Variants in ITGB1BP2 observed in about 807,000 individuals in gnomAD.
ITGB1BP2 encodes the protein integrin subunit beta 1 binding protein 2.
Under a neutral mutation model 32.2 loss-of-function variants are expected in ITGB1BP2, and 27 were observed. The ratio of observed to expected loss-of-function variants is 0.84; its 90% CI spans 0.62 to 1.16. The LOEUF is 1.16. ITGB1BP2 is among the 50% of genes most tolerant of loss of function. ITGB1BP2 has a pLI of 0.00. For missense variants in ITGB1BP2, 250 were observed against 267.3 expected (o/e 0.94, Z 0.45); for synonymous variants, 105 against 94.7 (o/e 1.11, Z -0.63).
At chrX:71,303,117 A>T in intron 4 of ITGB1BP2, 145 bp from the exon 5 acceptor site, 1 of 486,866 alleles carries the variant, frequency 2.1e-6, no homozygotes, top group Non-Finnish European at 3.5e-6. Flanking sequence ...CAGAGATGAA[A>T]ATTGGCAATG....
In ITGB1BP2 at chrX:71,305,001, C is replaced by T. The variant is rs1413565408; in HGVS notation, c.853C>T (p.Pro285Ser). The change falls in exon 11 of 11, where the codon CCA (proline) becomes TCA (serine). Residue 285 changes from proline (P) to serine (S), a missense_variant. Transcript: ENST00000373829. The stretch of plus-strand genomic sequence containing the variant: ...GGAGCAGAGCTCTGTCTTCTTGATG[C>T]CATCTCGGGTTGAAATCTCCCTGGT... ...NVEQSSVFLM[P>S]SRVEISLVKA... 1.7e-6 allele frequency: 2 copies of T among 1,210,956 alleles called. No homozygotes were observed. Among genetic ancestry groups the T allele is most frequent in the South Asian group, 3.5e-5 (2 of 56,948 alleles).
intron 8 of ITGB1BP2, 39 bp downstream of exon 8, chrX:71,303,950 A>ATC: frequency 9.3e-7 from 1 of 1,071,928 alleles, no homozygotes; most frequent in Non-Finnish European, 1.3e-6. Flanking sequence ...TTAGAACCCA[A>ATC]TCTCAGAGGT....
rs2031624733 is a variant in ITGB1BP2, at chrX:71,302,181, C to T, written c.109C>T (p.Leu37Phe). 8.3e-7 allele frequency: 1 copy of T among 1,208,428 alleles called. No individual in the cohort carries two copies. Residue 37 changes from leucine to phenylalanine, a missense_variant, in exon 2 of 11, where the codon CTT becomes TTT. Coordinates refer to ENST00000373829, the MANE Select transcript of ITGB1BP2 (RefSeq NM_012278.4). ...HPGVPIFHDA[L>F]KGWSCCRKRT... ...TGGGGTCCCAATCTTCCATGATGCA[C>T]TTAAGGTGAGGAGTAGGTGAGGGGG... is the stretch of plus-strand genomic sequence containing the variant.
intron 9 of ITGB1BP2, 80 bp from the exon 10 acceptor site, chrX:71,304,462 C>G (rs1305659683): frequency 2.0e-6 from 2 of 1,020,152 alleles, no homozygotes; most frequent in East Asian, 6.3e-5. Context: ...GTGGATCATA[C>G]CTCTGACCTG....
rs2031628034 is a variant in ITGB1BP2 at position 71,302,315 on chromosome X, T to C, written c.153T>C (p.Ser51=). The C allele has an allele frequency of 1.7e-6, 2 of 1,211,605 alleles. No homozygotes were observed. The highest frequency in any genetic ancestry group is 2.2e-6 in the Non-Finnish European group (2 of 895,457). ...GCCGAAAGCGAACTGTAGATTTCTC[T>C]GAGTTCTTAAACATCAAGGTAAATT... ...SCCRKRTVDF[S]EFLNIKGCTM... Residue 51 remains serine (S), a synonymous_variant, in exon 3 of 11, where the codon TCT becomes TCC. Transcript: ENST00000373829.
rs753652165 is a variant in ITGB1BP2, at chrX:71,304,522, C to T, written c.754-20C>T. 8.3e-6 allele frequency: 10 copies of T among 1,200,066 alleles called. No homozygotes were observed. In the South Asian group the frequency reaches 1.8e-4, roughly 21 times the overall value. On this transcript the variant is annotated intron_variant, in intron 9 of 10. Coordinates refer to ENST00000373829, the MANE Select transcript of ITGB1BP2 (RefSeq NM_012278.4). ...TGACCTTCTGGGTTTGTTACTACCC[C>T]TGTAATTCTTTTCTCTCAGCTTCAT...
At chrX:71,304,049 C>G in intron 8 of ITGB1BP2, 138 bp downstream of exon 8, 1 of 704,699 alleles carries the variant, frequency 1.4e-6, no homozygotes, top group Non-Finnish European at 2.1e-6. Flanking sequence ...CCTTATCCCT[C>G]AACAGCCCAG....
intron 8 of ITGB1BP2, 66 bp from the exon 9 acceptor site, chrX:71,304,121 A>G (rs2031659218): frequency 1.1e-6 from 1 of 874,718 alleles, no homozygotes; most frequent in Non-Finnish European, 1.7e-6. Context: ...CTCCACGTGC[A>G]TCATGAGAAC....
At chrX:71,302,693 C>A (rs2031635396) in intron 4 of ITGB1BP2, 137 bp downstream of exon 4, 2 of 697,425 alleles carry the variant, frequency 2.9e-6, no homozygotes, top group Admixed American at 4.1e-5. Context: ...TGGTGTATAT[C>A]CTGTGCCTTA....
chrX:71,304,692 G>A, intron 10 of ITGB1BP2, 88 bp downstream of exon 10: 1 of 755,446 alleles, frequency 1.3e-6, no homozygotes, highest in South Asian at 2.4e-5. Flanking sequence ...GAGGGAAGGA[G>A]TTGTACTAGG....
At chrX:71,303,392 T>C in intron 5 of ITGB1BP2, 36 bp downstream of exon 5, 2 of 1,206,208 alleles carry the variant, frequency 1.7e-6, no homozygotes, top group Non-Finnish European at 2.2e-6. Flanking sequence ...CTTCATAGAC[T>C]GGAATTTAGT....
In ITGB1BP2 at chrX:71,303,257, C is replaced by T. The variant is rs763359613; in HGVS notation, c.318-5C>T. On this transcript the variant is annotated splice_polypyrimidine_tract_variant and splice_region_variant and intron_variant, in intron 4 of 10. Coordinates refer to ENST00000373829, the MANE Select transcript of ITGB1BP2 (RefSeq NM_012278.4). ...CAGAACTAAATCACCACCCTTAACC[C>T]CTAGGTCAGAGTTGCCTCTGAAGCT... The T allele has an allele frequency of 8.3e-7, 1 of 1,207,341 alleles. No homozygotes were observed. The highest frequency in any genetic ancestry group is 2.2e-5 in the Admixed American group (1 of 45,840).
At chrX:71,303,403 G>A (rs1289960117) in intron 5 of ITGB1BP2, 47 bp downstream of exon 5, 2 of 1,206,053 alleles carry the variant, frequency 1.7e-6, no homozygotes, top group Non-Finnish European at 2.2e-6. Context: ...GGAATTTAGT[G>A]GAAGTGGCAA....
Position 71,304,177 on chromosome X carries a change from T to C in ITGB1BP2, c.640-10T>C. ...ATTCTTACCACCTGCATTTCACATCTTCTCTTTAGCTCCCAGCATCTTGCC... is the reference window on the plus strand; with the variant it reads ...ATTCTTACCACCTGCATTTCACATCCTCTCTTTAGCTCCCAGCATCTTGCC... On this transcript the variant is annotated splice_polypyrimidine_tract_variant and intron_variant, in intron 8 of 10. Transcript: ENST00000373829. The C allele has an allele frequency of 2.5e-6, 3 of 1,182,925 alleles. No homozygotes were observed. The highest frequency in any genetic ancestry group is 3.4e-6 in the Non-Finnish European group (3 of 870,006).
rs2031618207 is a variant in ITGB1BP2 at position 71,301,961 on chromosome X, GAA to G, written c.64+93_64+94del. On this transcript the variant is annotated intron_variant, in intron 1 of 10. Coordinates refer to ENST00000373829, the MANE Select transcript of ITGB1BP2 (RefSeq NM_012278.4). ...GCAGTGTGTTTGAGGAGCGGGGAAA[GAA>G]ACTACCTGCCCTAGTTTAATTGGTC... 1.6e-5 allele frequency: 15 copies of G among 912,953 alleles called. No homozygotes were observed. In the South Asian group the frequency reaches 3.2e-4, roughly 20 times the overall value. The allele number at this position is 912,953 out of a possible 1,213,427, so 75.2% of individuals were successfully genotyped here. A position where few individuals can be genotyped will look rare whatever the true frequency, so the allele number is the denominator to read the frequency against.
chrX:71,302,066 G>T (rs1319340020), intron 1 of ITGB1BP2, 71 bp from the exon 2 acceptor site: 27 of 1,090,626 alleles, frequency 2.5e-5, no homozygotes, highest in Non-Finnish European at 3.0e-5. Context: ...TAGAAACCCG[G>T]GGAAGAGGTG....
intron 8 of ITGB1BP2, 72 bp from the exon 9 acceptor site, chrX:71,304,115 A>G: frequency 2.4e-6 from 2 of 837,975 alleles, no homozygotes; most frequent in Non-Finnish European, 3.5e-6. Flanking sequence ...TCTCTTCTCC[A>G]CGTGCATCAT....
chrX:71,301,778 C>T lies in ITGB1BP2; in HGVS notation c.-29C>T, dbSNP rs1476662106. The stretch of plus-strand genomic sequence containing the variant: ...CGGCAGCCAGACTCCTTGAAATACC[C>T]TTTCAGTAATCATTCAACCAACGCT... On this transcript the variant is annotated 5_prime_UTR_variant, in exon 1 of 11. Transcript: ENST00000373829. The T allele has an allele frequency of 5.0e-6, 6 of 1,188,187 alleles. No individual in the cohort carries two copies. Among genetic ancestry groups the T allele is most frequent in the Non-Finnish European group, 6.8e-6 (6 of 876,019 alleles).
rs2031666090 is a variant in ITGB1BP2 at position 71,304,562 on chromosome X, T to C, written c.774T>C (p.Phe258=). The change falls in exon 10 of 11, where the codon TTT becomes TTC. Residue 258 remains phenylalanine, a synonymous_variant. Transcript: ENST00000373829. ...CTCAGCTTCATGTCCACATTGTCTT[T>C]GATGGTAACCGTGTGTTCCAAGCAC... ...SQTELHVHIV[F]DGNRVFQAQM... The C allele has an allele frequency of 8.3e-7, 1 of 1,207,126 alleles. No homozygotes were observed. The highest frequency in any genetic ancestry group is 1.8e-5 in the South Asian group (1 of 56,334).
Sources: gnomAD v4.1 joint callset for allele counts on GRCh38, gnomAD v4.1.1 for gene constraint, MANE v1.5 for transcripts, NCBI Gene and HGNC (gene_info 2026-07-23, HGNC 2026-07-21) for gene names.